Variants in CACNA2D2 observed in about 807,000 individuals in gnomAD.
CACNA2D2 encodes the protein voltage-dependent calcium channel subunit alpha-2/delta-2.
A neutral mutation model predicts 166.4 loss-of-function variants in CACNA2D2; 48 were observed. That is an observed-to-expected ratio of 0.29 (90% CI 0.23 to 0.37). The LOEUF (loss-of-function observed/expected upper bound fraction) is 0.37, where lower values mean the gene tolerates loss of function less well. CACNA2D2 is among the 10% of genes least tolerant of loss of function. The pLI, the probability that CACNA2D2 is intolerant of heterozygous loss-of-function variation, is 1.00. For synonymous variants in CACNA2D2, 561 were observed against 573.7 expected, an observed-to-expected ratio of 0.98 and a Z score of 0.32; for missense variants, 1,122 against 1,433.0, an observed-to-expected ratio of 0.78 and a Z score of 3.50.
chr3:50,374,824 A>G lies in CACNA2D2; in HGVS notation c.1908-11T>C, dbSNP rs1575596437. ...AGCACCAGCCCCAGGCTGAGGGGGG[A>G]GAAGCTCGGGTCACGGCTGGGGGGA... On this transcript the variant is annotated splice_polypyrimidine_tract_variant and intron_variant, in intron 21 of 37. Transcript: ENST00000424201. 1 of 1,581,506 alleles carries G rather than the reference A, an allele frequency of 6.3e-7. No homozygotes were observed. The highest frequency in any genetic ancestry group is 1.2e-5 in the South Asian group (1 of 86,710).
At chr3:50,436,557 G>A (rs562715826) in intron 2 of CACNA2D2, among the ~76,000 whole-genome samples, 1 of 152,312 alleles carries the variant, frequency 6.6e-6, no homozygotes, top group South Asian at 2.1e-4. Context: ...CTTGGAAGCT[G>A]AGACTCTGCC....
In CACNA2D2 at chr3:50,367,343, G is replaced by C. The variant is rs746219103; in HGVS notation, c.2401+51C>G. 1 of 1,522,796 alleles carries C rather than the reference G, an allele frequency of 6.6e-7. No individual in the cohort carries two copies. Among genetic ancestry groups the C allele is most frequent in the African/African-American group, 1.4e-5 (1 of 73,146 alleles). 94.3% of individuals were successfully genotyped at this position (1,522,796 alleles called of 1,614,324 possible). On this transcript the variant is annotated intron_variant, in intron 27 of 37. Coordinates refer to ENST00000424201, the MANE Select transcript of CACNA2D2 (RefSeq NM_006030.4). The surrounding 1 kb of genome is among the most constrained non-coding windows in gnomAD (Gnocchi z 6.5). ...GAGCCCAGTTCTGGCTGAGCAGACA[G>C]GGAAGCTGAGGCTCCCTGCCTGCTG...
intron 3 of CACNA2D2, among the ~76,000 whole-genome samples, chr3:50,405,933 C>T (rs1445748632): frequency 1.3e-5 from 2 of 152,174 alleles, no homozygotes; most frequent in Non-Finnish European, 2.9e-5. Flanking sequence ...GCCTGCCACT[C>T]ATGCACTCTG....
intron 2 of CACNA2D2, among the ~76,000 whole-genome samples, chr3:50,454,849 G>A (rs1265994768): frequency 6.6e-6 from 1 of 152,152 alleles, no homozygotes; most frequent in Non-Finnish European, 1.5e-5. Context: ...AGGCAGAGAA[G>A]GGGAAGGGTC....
At chr3:50,492,869 C>T (rs1698574920) in intron 1 of CACNA2D2, among the ~76,000 whole-genome samples, 1 of 152,138 alleles carries the variant, frequency 6.6e-6, no homozygotes, top group Admixed American at 6.5e-5. Flanking sequence ...TGGGACAGGG[C>T]TGAGTGCTTG....
At chr3:50,464,318 A>G (rs1402486634) in intron 2 of CACNA2D2, among the ~76,000 whole-genome samples, 1 of 152,250 alleles carries the variant, frequency 6.6e-6, no homozygotes, top group Non-Finnish European at 1.5e-5. Context: ...TAGTTTGCCT[A>G]GGGCATCTAA....
chr3:50,432,309 G>C (rs989658945), intron 3 of CACNA2D2, among the ~76,000 whole-genome samples: 1 of 152,244 alleles, frequency 6.6e-6, no homozygotes, highest in East Asian at 1.9e-4. Context: ...CAGGCGTCTT[G>C]TCTCTGCCAC....
At chr3:50,468,379 T>TTGTGTGTGTGTGTGTGTGTG (rs1559978358) in intron 2 of CACNA2D2, among the ~76,000 whole-genome samples, 2 of 68,858 alleles carry the variant, frequency 2.9e-5, no homozygotes, top group African/African-American at 9.7e-5. Flanking sequence ...TTCATCAGAA[T>TTGTGTGTGTGTGTGTGTGTG]AGTGTGTGTG....
chr3:50,457,123 G>A lies in CACNA2D2; in HGVS notation c.288+18995C>T, dbSNP rs995376614. 2.0e-5 allele frequency among the ~76,000 whole-genome samples: 3 copies of A among 152,244 alleles called. No individual in the cohort carries two copies. The East Asian group carries it at 5.8e-4, about 29-fold the overall frequency. Reference sequence around the variant, plus strand: ...AAACTAGCTGGGCATGGTGGCACGCGCCTGTAATCCCAGCTACTCAGGAGG... The same window carrying A: ...AAACTAGCTGGGCATGGTGGCACGCACCTGTAATCCCAGCTACTCAGGAGG... On this transcript the variant is annotated intron_variant, in intron 2 of 37. Transcript: ENST00000424201.
chr3:50,474,419 TC>T (rs1710224464), intron 2 of CACNA2D2, among the ~76,000 whole-genome samples: 3 of 152,146 alleles, frequency 2.0e-5, no homozygotes, highest in Non-Finnish European at 4.4e-5. Flanking sequence ...TCAGAGAGGA[TC>T]CAGGCTCACC....
intron 2 of CACNA2D2, among the ~76,000 whole-genome samples, chr3:50,466,751 C>T (rs911244857): frequency 2.0e-5 from 3 of 152,254 alleles, no homozygotes; most frequent in African/African-American, 4.8e-5. Flanking sequence ...ACCGCCTGCA[C>T]TCAGGTGGAC....
chr3:50,439,585 C>A (rs980129669), intron 2 of CACNA2D2, among the ~76,000 whole-genome samples: 1 of 152,174 alleles, frequency 6.6e-6, no homozygotes, highest in Non-Finnish European at 1.5e-5. Flanking sequence ...AGGGAGCAGC[C>A]AGGTGAAAGT....
At chr3:50,443,829 G>A (rs1280172673) in intron 2 of CACNA2D2, among the ~76,000 whole-genome samples, 1 of 152,224 alleles carries the variant, frequency 6.6e-6, no homozygotes, top group Non-Finnish European at 1.5e-5. Context: ...CAGTGGGCTG[G>A]GAGTGAAGGG....
intron 3 of CACNA2D2, among the ~76,000 whole-genome samples, chr3:50,408,255 C>A (rs1215631639): frequency 2.0e-5 from 3 of 152,196 alleles, no homozygotes; most frequent in Non-Finnish European, 4.4e-5. Context: ...GGGATATGAA[C>A]CTAGGCCAAG....
In CACNA2D2 at chr3:50,365,023, G is replaced by C. The variant is rs1559870303; in HGVS notation, c.3208+52C>G. The stretch of plus-strand genomic sequence containing the variant: ...CGGACGGCGGCGGCGGCACGGAGGG[G>C]GCGCGCGGGGCAGAGGGGGAGCGGG... On this transcript the variant is annotated intron_variant, in intron 36 of 37. Coordinates refer to ENST00000424201, the MANE Select transcript of CACNA2D2 (RefSeq NM_006030.4). The surrounding 1 kb of genome is among the most constrained non-coding windows in gnomAD (Gnocchi z 4.5). 3 of 1,602,126 alleles carry C rather than the reference G, an allele frequency of 1.9e-6. No homozygotes were observed. The highest frequency in any genetic ancestry group is 2.2e-5 in the South Asian group (2 of 90,566).
At chr3:50,421,476 T>C (rs1173585086) in intron 3 of CACNA2D2, among the ~76,000 whole-genome samples, 1 of 151,722 alleles carries the variant, frequency 6.6e-6, no homozygotes, top group Non-Finnish European at 1.5e-5. Context: ...CACAGATGGG[T>C]CCATTTTCTC....
chr3:50,470,267 A>G (rs1710010493), intron 2 of CACNA2D2, among the ~76,000 whole-genome samples: 1 of 152,206 alleles, frequency 6.6e-6, no homozygotes, highest in African/African-American at 2.4e-5. Flanking sequence ...AGGAGGCCTG[A>G]CAGGGAACAA....
At chr3:50,477,869 TG>T (rs1697864169) in intron 1 of CACNA2D2, among the ~76,000 whole-genome samples, 2 of 152,058 alleles carry the variant, frequency 1.3e-5, no homozygotes, top group Admixed American at 1.3e-4. Context: ...TCTGGCTCCA[TG>T]GATCAGAAGA....
intron 2 of CACNA2D2, among the ~76,000 whole-genome samples, chr3:50,444,312 G>A (rs968552148): frequency 6.6e-6 from 1 of 152,184 alleles, no homozygotes; most frequent in African/African-American, 2.4e-5. Flanking sequence ...GTCAGAATCT[G>A]TCCAAAGAGG....
Sources: allele counts gnomAD v4.1 joint callset (sites outside exome capture counted in the v4.1 genomes callset), GRCh38; gene constraint gnomAD v4.1.1; non-coding constraint Gnocchi (gnomAD v3.1); transcripts MANE v1.5; gene names NCBI Gene and HGNC (gene_info 2026-07-23, HGNC 2026-07-21).